Variants in MYO1H observed in about 807,000 individuals in gnomAD.
MYO1H encodes the protein unconventional myosin-Ih.
In MYO1H, 118 loss-of-function variants were observed where a neutral mutation model predicts 149.3. The ratio of observed to expected loss-of-function variants is 0.79; its 90% CI spans 0.68 to 0.92. MYO1H has a LOEUF of 0.92. Among genes scored for constraint, MYO1H ranks in the 40% least tolerant of loss-of-function variants. The pLI is 0.00. For synonymous variants in MYO1H, 447 were observed against 465.2 expected (o/e 0.96, Z 0.50); for missense variants, 1,212 against 1,280.7 (o/e 0.95, Z 0.82).
chr12:109,334,283 T>C, the MYO1H span, among the ~76,000 whole-genome samples: 2 of 152,164 alleles, frequency 1.3e-5, no homozygotes, highest in South Asian at 4.1e-4. Context: ...TCTCCCAAAG[T>C]GACTGGCATT....
intron 1 of MYO1H, among the ~76,000 whole-genome samples, chr12:109,356,452 C>G (rs1158826883): frequency 6.6e-6 from 1 of 151,906 alleles, no homozygotes; most frequent in Non-Finnish European, 1.5e-5. Flanking sequence ...CTTCAAAGAA[C>G]CTCATGGGCT....
chr12:109,327,507 T>C, the MYO1H span, among the ~76,000 whole-genome samples: 61 of 151,792 alleles, frequency 4.0e-4, no homozygotes, highest in African/African-American at 1.4e-3. Flanking sequence ...AACTGCACTT[T>C]GGGAGGCCGA....
At chr12:109,353,819 T>C (rs532198172) in intron 1 of MYO1H, among the ~76,000 whole-genome samples, 1 of 151,654 alleles carries the variant, frequency 6.6e-6, no homozygotes, top group East Asian at 1.9e-4. Flanking sequence ...ACTTGGCTAA[T>C]TTTTTTTTAT....
intron 1 of MYO1H, among the ~76,000 whole-genome samples, chr12:109,356,389 G>GT (rs3036281): frequency 0.026 from 3,865 of 149,714 alleles, 85 homozygotes; most frequent in Non-Finnish European, 0.031. Flanking sequence ...GTTTGTTTTT[G>GT]TTTTTTTTTT....
At position 109,424,188 on chromosome 12, in the gene MYO1H, TCTCAGTCTGTCA is replaced by T. The variant is rs202024031; in HGVS notation, c.1645-554_1645-543del. Among the ~76,000 whole-genome samples, 1,468 of 152,252 alleles carry T rather than the reference TCTCAGTCTGTCA, an allele frequency of 9.6e-3. 20 individuals are homozygous for T. The highest frequency in any genetic ancestry group is 0.029 in the African/African-American group (1,194 of 41,524). On this transcript the variant is annotated intron_variant, in intron 16 of 31. Transcript: ENST00000310903. ...TCTTTTTTTTCTTTTTGAGACAGGT[TCTCAGTCTGTCA>T]CTCAGGCTGGAGTGCAGTGGCGCAA...
rs1566025435 is a variant in MYO1H at position 109,393,668 on chromosome 12, T to TATCCATCCACCTACCTATCCATCGATAC, written c.290+232_290+259dup. The stretch of plus-strand genomic sequence containing the variant: ...CCGCCTATCCATCCATCCATTTACC[T>TATCCATCCACCTACCTATCCATCGATAC]ATCCATCCACCTACCTATCCATCGA... On this transcript the variant is annotated intron_variant, in intron 3 of 31. Transcript: ENST00000310903. 7.9e-5 allele frequency among the ~76,000 whole-genome samples: 12 copies of TATCCATCCACCTACCTATCCATCGATAC among 152,038 alleles called. No homozygotes were observed. In the South Asian group the frequency reaches 8.3e-4, roughly 11 times the overall value.
intron 4 of MYO1H, among the ~76,000 whole-genome samples, chr12:109,397,467 C>T (rs550288552): frequency 8.5e-5 from 13 of 152,144 alleles, no homozygotes; most frequent in African/African-American, 2.9e-4. Context: ...TTCTATGTAC[C>T]CCTCCTGAGA....
At position 109,412,014 on chromosome 12, in the gene MYO1H, A is replaced by T. The variant is rs1052989631; in HGVS notation, c.1502+29A>T. ...CATACTTTATTTTACCAGATTTTGC[A>T]TGGGGGAAGATGATTGTGTCTCCAT... On this transcript the variant is annotated intron_variant, in intron 14 of 31. Transcript: ENST00000310903. 6 of 1,452,282 alleles carry T rather than the reference A, an allele frequency of 4.1e-6. No individual in the cohort carries two copies. In the African/African-American group the frequency reaches 8.5e-5, roughly 21 times the overall value. 90.0% of individuals were successfully genotyped at this position (1,452,282 alleles called of 1,614,324 possible).
At chr12:109,437,541 A>C (rs1313735911) in intron 22 of MYO1H, among the ~76,000 whole-genome samples, 1 of 152,156 alleles carries the variant, frequency 6.6e-6, no homozygotes, top group Non-Finnish European at 1.5e-5. Context: ...GCAGTAACTC[A>C]AGTCTGCCAT....
chr12:109,327,105 ATT>A, the MYO1H span, among the ~76,000 whole-genome samples: 1 of 124,780 alleles, frequency 8.0e-6, no homozygotes, highest in African/African-American at 3.2e-5. Context: ...TAGTTATTTA[ATT>A]TTTCTTTTCT....
chr12:109,389,086 GTCCCGGGACTAGA>G (rs1869520380), intron 2 of MYO1H, among the ~76,000 whole-genome samples: 1 of 152,116 alleles, frequency 6.6e-6, no homozygotes, highest in Admixed American at 6.5e-5. Context: ...GTTACTGTAG[GTCCCGGGACTAGA>G]TCTAGGGTTT....
the MYO1H span, among the ~76,000 whole-genome samples, chr12:109,339,449 C>T: frequency 6.6e-6 from 1 of 152,116 alleles, no homozygotes; most frequent in Non-Finnish European, 1.5e-5. Flanking sequence ...TTTGGAGTGG[C>T]AGAGTCCTTG....
Position 109,410,083 on chromosome 12 carries a change from G to A in MYO1H, c.1329+15G>A, listed in dbSNP as rs1273932653. The stretch of plus-strand genomic sequence containing the variant: ...AAGGCATAGAGGTAAACATTTTGAT[G>A]TTTTCTCCTCATCTGATTTCTTCAT... On this transcript the variant is annotated intron_variant, in intron 12 of 31. Coordinates refer to ENST00000310903, the Ensembl canonical transcript of MYO1H. 8.4e-6 allele frequency: 11 copies of A among 1,305,620 alleles called. No homozygotes were observed. The highest frequency in any genetic ancestry group is 1.5e-5 in the African/African-American group (1 of 66,066). The allele number at this position is 1,305,620 out of a possible 1,614,324, so 80.9% of individuals were successfully genotyped here.
intron 19 of MYO1H, among the ~76,000 whole-genome samples, 172 bp downstream of exon 19, chr12:109,427,758 ACT>A (rs1307169531): frequency 2.0e-5 from 3 of 147,014 alleles, no homozygotes; most frequent in African/African-American, 5.0e-5. Flanking sequence ...TAAAAACCCA[ACT>A]CTGGCTGGGT....
At chr12:109,425,916 T>TTCTC in intron 17 of MYO1H, 30 bp from the exon 18 acceptor site, 1 of 1,502,360 alleles carries the variant, frequency 6.7e-7, no homozygotes, top group South Asian at 1.1e-5. Context: ...CTCTGGCTCG[T>TTCTC]TCTCTCTCTC....
chr12:109,378,847 T>A (rs531447875), intron 1 of MYO1H, among the ~76,000 whole-genome samples: 9 of 152,212 alleles, frequency 5.9e-5, no homozygotes, highest in Middle Eastern at 6.8e-3. Flanking sequence ...TGGTTTTGAG[T>A]TGCATTTTCT....
intron 1 of MYO1H, among the ~76,000 whole-genome samples, chr12:109,351,792 G>A (rs1471651354): frequency 6.6e-6 from 1 of 152,142 alleles, no homozygotes; most frequent in Non-Finnish European, 1.5e-5. Context: ...ACGGATTCTG[G>A]AGTAAATGTT....
the MYO1H span, among the ~76,000 whole-genome samples, chr12:109,323,086 G>A: frequency 5.5e-4 from 83 of 152,234 alleles, 1 homozygote; most frequent in African/African-American, 1.8e-3. Flanking sequence ...CAACCTGGGC[G>A]ACAGAGTGAG....
At chr12:109,341,592 C>T in the MYO1H span, among the ~76,000 whole-genome samples, 1 of 145,520 alleles carries the variant, frequency 6.9e-6, no homozygotes, top group Admixed American at 7.1e-5. Context: ...AGGATGACTT[C>T]AGGTTTGCCC....
Sources: allele counts gnomAD v4.1 joint callset (sites outside exome capture counted in the v4.1 genomes callset), GRCh38; gene constraint gnomAD v4.1.1; transcripts MANE v1.5; gene names NCBI Gene and HGNC (gene_info 2026-07-23, HGNC 2026-07-21).